Variants in LRRIQ1 observed in about 807,000 individuals in gnomAD.
The protein encoded by LRRIQ1 is leucine rich repeats and IQ motif containing 1.
Under a neutral mutation model 211.9 loss-of-function variants are expected in LRRIQ1, and 210 were observed. The ratio of observed to expected loss-of-function variants is 0.99; its 90% CI spans 0.89 to 1.11. The LOEUF is 1.11. Ranked by LOEUF, LRRIQ1 falls within the 50% of genes most tolerant of loss-of-function variation. The pLI is 0.00. For missense variants in LRRIQ1, 2,136 were observed against 1,939.5 expected (o/e 1.10, Z -1.90); for synonymous variants, 699 against 650.1 (o/e 1.08, Z -1.14).
At chr12:85,043,350 T>C (rs1451473007) in intron 3 of LRRIQ1, among the ~76,000 whole-genome samples, 1 of 152,082 alleles carries the variant, frequency 6.6e-6, no homozygotes, top group East Asian at 1.9e-4. Context: ...TGGCTATTGA[T>C]GCAACCTGTT....
intron 15 of LRRIQ1, among the ~76,000 whole-genome samples, chr12:85,115,704 G>T (rs1298871796): frequency 6.6e-6 from 1 of 151,958 alleles, no homozygotes; most frequent in Admixed American, 6.6e-5. Flanking sequence ...TGCTGATCTG[G>T]TATCAGTTTC....
rs200851518 is a variant in LRRIQ1 at position 85,072,996 on chromosome 12, C to A, written c.2785C>A (p.Gln929Lys). The change falls in exon 11 of 27, where the codon CAA becomes AAA. Residue 929 changes from glutamine to lysine, a missense_variant. By Grantham distance (53) the Gln-to-Lys change is moderately conservative. Transcript: ENST00000393217. ...GTSTSYLSLA[Q>K]VWIPTGLCWS... is the part of the protein sequence containing the mutation. Reference sequence around the variant, plus strand: ...CTCCACTTCTTACTTATCCCTGGCACAAGTCTGGATTCCAACTGGATTATG... The same window carrying A: ...CTCCACTTCTTACTTATCCCTGGCAAAAGTCTGGATTCCAACTGGATTATG... The A allele has an allele frequency of 2.5e-6, 4 of 1,612,822 alleles. No homozygotes were observed. Among genetic ancestry groups the A allele is most frequent in the Non-Finnish European group, 3.4e-6 (4 of 1,179,212 alleles).
Position 85,065,319 on chromosome 12 carries a change from T to C in LRRIQ1, c.2449T>C (p.Cys817Arg), listed in dbSNP as rs1476464722. ...CTGTGTTCTCTCCACACTGGCAGAG[T>C]GTACAAATCTTCAGTTTCTATCCCT... Reference protein sequence around the residue: ...PGCVLSTLAECTNLQFLSLRR... With the variant: ...PGCVLSTLAERTNLQFLSLRR... The change falls in exon 9 of 27, where the codon TGT (cysteine) becomes CGT (arginine). Residue 817 changes from cysteine (C) to arginine (R), a missense_variant. Coordinates refer to ENST00000393217, the MANE Select transcript of LRRIQ1 (RefSeq NM_001079910.2). 1.2e-6 allele frequency: 2 copies of C among 1,610,880 alleles called. No individual in the cohort carries two copies. The highest frequency in any genetic ancestry group is 2.2e-5 in the East Asian group (1 of 44,804).
chr12:85,264,843 A>T (rs141175237), downstream of LRRIQ1, among the ~76,000 whole-genome samples: 1 of 152,018 alleles, frequency 6.6e-6, no homozygotes, highest in Admixed American at 6.6e-5. Flanking sequence ...TGTGCTCTAT[A>T]TCCTATCCCC....
chr12:85,251,004 A>T (rs777886990), intron 1 of LRRIQ1, among the ~76,000 whole-genome samples: 10 of 114,294 alleles, frequency 8.7e-5, no homozygotes, highest in Admixed American at 3.6e-4. Context: ...ATTATATATA[A>T]TATATATACC....
chr12:85,121,473 G>T (rs1887980185), intron 15 of LRRIQ1, among the ~76,000 whole-genome samples: 1 of 152,062 alleles, frequency 6.6e-6, no homozygotes, highest in African/African-American at 2.4e-5. Flanking sequence ...AAAGGTTAAA[G>T]AACTAACTCT....
chr12:85,174,605 G>A (rs1592923765), intron 24 of LRRIQ1, among the ~76,000 whole-genome samples: 1 of 145,084 alleles, frequency 6.9e-6, no homozygotes, highest in South Asian at 2.2e-4. Flanking sequence ...GGGACGCTGA[G>A]AAAAGAGAAT....
intron 24 of LRRIQ1, among the ~76,000 whole-genome samples, chr12:85,223,752 G>A (rs1375123551): frequency 6.6e-6 from 1 of 151,804 alleles, no homozygotes; most frequent in African/African-American, 2.4e-5. Flanking sequence ...AGGGATAACA[G>A]AAAAAGAATT....
intron 3 of LRRIQ1, among the ~76,000 whole-genome samples, chr12:85,042,318 ATAAAG>A (rs1878980446): frequency 6.6e-6 from 1 of 151,150 alleles, no homozygotes; most frequent in African/African-American, 2.4e-5. Context: ...ATCGTAATGA[ATAAAG>A]TAATTTTCCC....
Position 85,153,047 on chromosome 12 carries a change from T to C in LRRIQ1, c.4443T>C (p.Asp1481=), listed in dbSNP as rs1221838355. Residue 1481 remains aspartate (D), a synonymous_variant, in exon 21 of 27, where the codon GAT becomes GAC. Coordinates refer to ENST00000393217, the MANE Select transcript of LRRIQ1 (RefSeq NM_001079910.2). The part of the protein sequence containing the change: ...WPKIPGNLKW[D]DTSFNLPSNP... Reference sequence around the variant, plus strand: ...AGATTCCTGGAAACTTAAAATGGGATGATACTTCATTTAATTTACCAAGTA... The same window carrying C: ...AGATTCCTGGAAACTTAAAATGGGACGATACTTCATTTAATTTACCAAGTA... 1.3e-6 allele frequency: 2 copies of C among 1,569,878 alleles called. No individual in the cohort carries two copies. Among genetic ancestry groups the C allele is most frequent in the Admixed American group, 3.5e-5 (2 of 56,384 alleles).
chr12:85,070,014 C>A (rs1234281411), intron 10 of LRRIQ1, among the ~76,000 whole-genome samples: 1 of 152,038 alleles, frequency 6.6e-6, no homozygotes, highest in Non-Finnish European at 1.5e-5. Flanking sequence ...AGTCCTTGCC[C>A]ATGCCTATGT....
intron 26 of LRRIQ1, among the ~76,000 whole-genome samples, chr12:85,243,828 T>A (rs1895588455): frequency 6.6e-6 from 1 of 151,392 alleles, no homozygotes; most frequent in South Asian, 2.1e-4. Context: ...TTAAAGAGGG[T>A]CATTTTTGGA....
rs1269569426 is a variant in LRRIQ1 at position 85,044,700 on chromosome 12, C to T, written c.245-18C>T. 1.2e-5 allele frequency: 15 copies of T among 1,297,508 alleles called. No homozygotes were observed. Among genetic ancestry groups the T allele is most frequent in the Non-Finnish European group, 1.6e-5 (15 of 910,118 alleles). 80.4% of individuals were successfully genotyped at this position (1,297,508 alleles called of 1,614,324 possible). On this transcript the variant is annotated intron_variant, in intron 3 of 26. Transcript: ENST00000393217. Reference sequence around the variant, plus strand: ...GTACTCTAATATTGGAAGTTATATACATTTTTTCTTTCTCTAGGCTGTAGT... The same window carrying T: ...GTACTCTAATATTGGAAGTTATATATATTTTTTCTTTCTCTAGGCTGTAGT...
intron 11 of LRRIQ1, among the ~76,000 whole-genome samples, chr12:85,088,303 A>G (rs1005734591): frequency 6.6e-6 from 1 of 152,016 alleles, no homozygotes; most frequent in East Asian, 1.9e-4. Context: ...CCATTGGTCT[A>G]TATCTCTGTT....
intron 24 of LRRIQ1, among the ~76,000 whole-genome samples, chr12:85,216,342 ACTT>A (rs988413130): frequency 8.5e-5 from 13 of 152,080 alleles, no homozygotes; most frequent in East Asian, 5.8e-4. Context: ...AAGGACATGA[ACTT>A]CTTCTTTTTA....
At chr12:85,050,194 C>T (rs543187022) in intron 6 of LRRIQ1, among the ~76,000 whole-genome samples, 1 of 152,266 alleles carries the variant, frequency 6.6e-6, no homozygotes, top group East Asian at 1.9e-4. Context: ...ACCTCCAACA[C>T]TGGGGAGTAG....
chr12:85,055,950 T>G lies in LRRIQ1; in HGVS notation c.1157T>G (p.Leu386Ter), dbSNP rs1284845032. 6.2e-7 allele frequency: 1 copy of G among 1,607,542 alleles called. No individual in the cohort carries two copies. ...EQLISKEKIILREDASQQLII... is the reference protein window; with the variant it reads ...EQLISKEKII ...CTAATAAGCAAGGAAAAAATAATAT[T>G]AAGAGAAGATGCAAGCCAACAGCTA... The change falls in exon 8 of 27, where the codon TTA becomes TGA. Residue 386 changes from leucine to a stop codon, truncating the protein, a stop_gained. Transcript: ENST00000393217. LOFTEE classifies it high-confidence loss of function.
chr12:85,048,055 G>A (rs888050877), intron 6 of LRRIQ1: 3 of 152,270 alleles, frequency 2.0e-5, no homozygotes, highest in African/African-American at 7.2e-5. Flanking sequence ...AGAAACTGGT[G>A]GATTTTAGGA....
the LRRIQ1 span, among the ~76,000 whole-genome samples, chr12:85,271,417 T>A: frequency 3.3e-5 from 5 of 152,168 alleles, no homozygotes; most frequent in African/African-American, 1.2e-4. Context: ...ATTTAATCAC[T>A]CTTTCTTATG....
Sources: gnomAD v4.1 joint callset for allele counts (sites outside exome capture counted in the v4.1 genomes callset) on GRCh38, gnomAD v4.1.1 for gene constraint, MANE v1.5 for transcripts, NCBI Gene and HGNC (gene_info 2026-07-23, HGNC 2026-07-21) for gene names.